FBXL17: variants seen among roughly 807,000 people sequenced by gnomAD.
FBXL17 encodes F-box/LRR-repeat protein 17.
Under a neutral mutation model 66.2 loss-of-function variants are expected in FBXL17, and 22 were observed. That is an observed-to-expected ratio of 0.33 (90% CI 0.24 to 0.47). FBXL17 has a LOEUF of 0.47. Among genes scored for constraint, FBXL17 ranks in the 20% least tolerant of loss-of-function variants. The pLI is 1.00. For missense variants in FBXL17, 878 were observed against 948.2 expected (o/e 0.93, Z 0.97); for synonymous variants, 474 against 400.5 (o/e 1.18, Z -2.19).
chr5:107,980,664 A>ATTTTTTTTTTTTTTTTTTTTTTTTTTTT (rs57472813), intron 7 of FBXL17, among the ~76,000 whole-genome samples: 1 of 62,106 alleles, frequency 1.6e-5, no homozygotes. Context: ...ATATATATAT[A>ATTTTTTTTTTTTTTTTTTTTTTTTTTTT]TTTTTTTTTT....
chr5:107,897,011 G>A (rs1394921083), intron 7 of FBXL17, among the ~76,000 whole-genome samples: 3 of 151,982 alleles, frequency 2.0e-5, no homozygotes, highest in Non-Finnish European at 4.4e-5. Context: ...TAAAGCAAAA[G>A]GAAGATGAAG....
rs950459185 is a variant in FBXL17, at chr5:107,860,131, A to T, written c.*1589T>A. 3 of 152,302 alleles carry T rather than the reference A, an allele frequency of 2.0e-5. No homozygotes were observed. Among genetic ancestry groups the T allele is most frequent in the African/African-American group, 7.2e-5 (3 of 41,462 alleles). The allele number at this position is 152,302 out of a possible 1,614,324, so 9.4% of individuals were successfully genotyped here. A position where few individuals can be genotyped will look rare whatever the true frequency, so the allele number is the denominator to read the frequency against. The stretch of plus-strand genomic sequence containing the variant: ...TAATCAAAGGAAACAGTTGTTTACA[A>T]AAAAAGAGAATCATTAGAAATCAGT... On this transcript the variant is annotated 3_prime_UTR_variant, in exon 9 of 9. Transcript: ENST00000542267.
chr5:108,135,101 G>T (rs1751084294), intron 6 of FBXL17, among the ~76,000 whole-genome samples: 1 of 152,102 alleles, frequency 6.6e-6, no homozygotes, highest in Non-Finnish European at 1.5e-5. Context: ...TTGAAGAAGG[G>T]ATCTGGGGAC....
chr5:108,174,854 C>T (rs945984527), intron 6 of FBXL17, among the ~76,000 whole-genome samples: 2 of 150,818 alleles, frequency 1.3e-5, no homozygotes, highest in African/African-American at 2.4e-5. Context: ...CACTTCTTCA[C>T]TCAAAGTATT....
intron 6 of FBXL17, among the ~76,000 whole-genome samples, chr5:108,173,348 T>C (rs1209355065): frequency 2.0e-5 from 3 of 152,068 alleles, no homozygotes; most frequent in African/African-American, 4.8e-5. Flanking sequence ...TGTATACATA[T>C]GTAACTAACC....
chr5:107,974,180 TTAAAATGTAAAAGAATG>T (rs1752496097), intron 7 of FBXL17, among the ~76,000 whole-genome samples: 5 of 152,146 alleles, frequency 3.3e-5, no homozygotes, highest in Non-Finnish European at 2.9e-5. Flanking sequence ...TTACATTACA[TTAAAATGTAAAAGAATG>T]TTTAAGTCAA....
At chr5:107,931,011 T>C (rs1332956584) in intron 7 of FBXL17, among the ~76,000 whole-genome samples, 1 of 152,118 alleles carries the variant, frequency 6.6e-6, no homozygotes, top group Non-Finnish European at 1.5e-5. Flanking sequence ...CCTGGGGCTA[T>C]GTATACAGCC....
At chr5:107,940,891 G>T (rs1751070761) in intron 7 of FBXL17, among the ~76,000 whole-genome samples, 1 of 152,118 alleles carries the variant, frequency 6.6e-6, no homozygotes, top group Non-Finnish European at 1.5e-5. Flanking sequence ...TTAATCTGTG[G>T]GAGGGCCTGG....
At chr5:108,213,860 T>C (rs1754483089) in intron 5 of FBXL17, among the ~76,000 whole-genome samples, 1 of 152,262 alleles carries the variant, frequency 6.6e-6, no homozygotes, top group African/African-American at 2.4e-5. Flanking sequence ...CATCTTTTCA[T>C]GTGCTTATTT....
At chr5:108,098,391 C>T (rs964895748) in intron 6 of FBXL17, among the ~76,000 whole-genome samples, 4 of 152,048 alleles carry the variant, frequency 2.6e-5, no homozygotes, top group African/African-American at 9.7e-5. Context: ...AAAATAAAGG[C>T]TTTGATTTCA....
At chr5:108,163,403 T>TTC (rs995733582) in intron 6 of FBXL17, among the ~76,000 whole-genome samples, 3 of 71,920 alleles carry the variant, frequency 4.2e-5, no homozygotes, top group South Asian at 5.4e-4. Flanking sequence ...TTTTTTCTTT[T>TTC]TTTTTTTTTT....
chr5:108,291,012 C>A (rs116539199), intron 4 of FBXL17, among the ~76,000 whole-genome samples: 1 of 152,094 alleles, frequency 6.6e-6, no homozygotes, highest in Non-Finnish European at 1.5e-5. Flanking sequence ...ATATGCAACG[C>A]CATCTAAAAT....
rs1749830123 is a variant in FBXL17, at chr5:108,380,937, T to C, written c.755A>G (p.Glu252Gly). The C allele has an allele frequency of 7.4e-6, 9 of 1,218,938 alleles. No homozygotes were observed. In the South Asian group the frequency reaches 3.3e-4, roughly 45 times the overall value. 75.5% of individuals were successfully genotyped at this position (1,218,938 alleles called of 1,614,324 possible). The change falls in exon 1 of 9, where the codon GAG (glutamate) becomes GGG (glycine). Residue 252 changes from glutamate (E) to glycine (G), a missense_variant. Coordinates refer to ENST00000542267, the MANE Select transcript of FBXL17 (RefSeq NM_001163315.3). Reference protein sequence around the residue: ...PPDAGCCQAPEQPPQPLCPPP... With the variant: ...PPDAGCCQAPGQPPQPLCPPP... ...AGGGCAGAGCGGCTGCGGGGGCTGC[T>C]CCGGGGCCTGGCAGCAGCCGGCGTC...
chr5:108,057,841 G>C (rs947055256), intron 6 of FBXL17, among the ~76,000 whole-genome samples: 3 of 152,094 alleles, frequency 2.0e-5, no homozygotes, highest in Non-Finnish European at 4.4e-5. Flanking sequence ...CCACTACTAA[G>C]AATAAGTGTG....
intron 7 of FBXL17, among the ~76,000 whole-genome samples, chr5:107,900,422 C>A (rs1475279467): frequency 6.6e-6 from 1 of 152,092 alleles, no homozygotes; most frequent in Non-Finnish European, 1.5e-5. Context: ...TTTATATATA[C>A]AGTTATAAAC....
At chr5:108,337,514 A>C (rs2150250467) in intron 4 of FBXL17, among the ~76,000 whole-genome samples, 1 of 152,242 alleles carries the variant, frequency 6.6e-6, no homozygotes, top group South Asian at 2.1e-4. Context: ...AAAACTCTCA[A>C]ACCTACAACA....
chr5:108,253,661 T>C (rs1345366342), intron 4 of FBXL17, among the ~76,000 whole-genome samples: 1 of 152,032 alleles, frequency 6.6e-6, no homozygotes, highest in Non-Finnish European at 1.5e-5. Flanking sequence ...TAACAATAAT[T>C]TAAGAAGTAA....
intron 6 of FBXL17, among the ~76,000 whole-genome samples, chr5:108,109,675 C>T (rs139452821): frequency 2.6e-5 from 4 of 152,078 alleles, no homozygotes; most frequent in Non-Finnish European, 5.9e-5. Flanking sequence ...AGAGAAATTT[C>T]TTTCCCCCAC....
intron 6 of FBXL17, among the ~76,000 whole-genome samples, chr5:108,097,831 C>T (rs1162220106): frequency 1.3e-5 from 2 of 151,762 alleles, no homozygotes; most frequent in Non-Finnish European, 2.9e-5. Context: ...TCCTGACTAC[C>T]TAGTGTCTCT....
Sources: gnomAD v4.1 joint callset for allele counts (sites outside exome capture counted in the v4.1 genomes callset) on GRCh38, gnomAD v4.1.1 for gene constraint, MANE v1.5 for transcripts, NCBI Gene and HGNC (gene_info 2026-07-23, HGNC 2026-07-21) for gene names.